TEX11: variants seen among roughly 807,000 people sequenced by gnomAD.
TEX11 encodes the protein testis expressed 11.
In TEX11, 7 loss-of-function variants were observed where a neutral mutation model predicts 84.4. That is an observed-to-expected ratio of 0.08 (90% CI 0.05 to 0.16). TEX11 has a LOEUF of 0.16. TEX11 is among the 10% of genes least tolerant of loss of function. The pLI, the probability that TEX11 is intolerant of heterozygous loss-of-function variation, is 1.00. For synonymous variants in TEX11, 264 were observed against 222.8 expected (o/e 1.18, Z -1.64); for missense variants, 551 against 660.5 (o/e 0.83, Z 1.82).
At chrX:70,537,628 A>G (rs978681337) in intron 28 of TEX11, among the ~76,000 whole-genome samples, 1 of 111,740 alleles carries the variant, frequency 8.9e-6, no homozygotes, top group Non-Finnish European at 1.9e-5. Flanking sequence ...GGACTATAAT[A>G]GAGTGGGAAA....
intron 14 of TEX11, among the ~76,000 whole-genome samples, chrX:70,682,203 ACT>A (rs368132388): frequency 3.6e-5 from 4 of 110,478 alleles, no homozygotes; most frequent in African/African-American, 1.3e-4. Context: ...AACCAGAAAA[ACT>A]CTAATCTATT....
At chrX:70,857,292 G>A (rs954464354) in intron 5 of TEX11, 7 of 126,315 alleles carry the variant, frequency 5.5e-5, no homozygotes, top group Admixed American at 1.8e-4. Flanking sequence ...TGCCTCAATC[G>A]CTCTTCTACA....
rs185248413 is a variant in TEX11 at position 70,613,535 on chromosome X, C to G, written c.1752-2992G>C. Among the ~76,000 whole-genome samples the G allele has an allele frequency of 2.7e-5, 3 of 112,084 alleles. No individual in the cohort carries two copies. In the Admixed American group the frequency reaches 2.8e-4, roughly 11 times the overall value. On this transcript the variant is annotated intron_variant, in intron 20 of 29. Transcript: ENST00000374333. ...CTGTAGCAAGTGGGGAATCTCCCAT[C>G]CCAGTCGTTGGAATCTGAATTCCAG...
intron 11 of TEX11, among the ~76,000 whole-genome samples, chrX:70,730,184 G>A (rs2090634768): frequency 1.8e-5 from 2 of 111,856 alleles, no homozygotes; most frequent in South Asian, 3.8e-4. Context: ...GGAACAACCG[G>A]TACAAGACAC....
intron 7 of TEX11, among the ~76,000 whole-genome samples, chrX:70,850,271 T>C (rs1253233571): frequency 8.9e-6 from 1 of 112,069 alleles, no homozygotes; most frequent in African/African-American, 3.2e-5. Flanking sequence ...ATATATTTTG[T>C]ACACCAACCC....
intron 17 of TEX11, among the ~76,000 whole-genome samples, chrX:70,637,364 C>T (rs997317422): frequency 1.8e-5 from 2 of 112,542 alleles, no homozygotes; most frequent in African/African-American, 3.2e-5. Context: ...GGTGATTTCT[C>T]GAAGACCTAC....
chrX:70,815,829 C>T (rs1021585616), intron 8 of TEX11, among the ~76,000 whole-genome samples: 2 of 111,979 alleles, frequency 1.8e-5, no homozygotes, highest in East Asian at 2.8e-4. Context: ...TTAGATTTGA[C>T]TTGCTTAAGA....
At chrX:70,696,179 G>A (rs912340125) in intron 13 of TEX11, among the ~76,000 whole-genome samples, 14 of 111,346 alleles carry the variant, frequency 1.3e-4, no homozygotes, top group African/African-American at 4.2e-4. Context: ...CCACTATGGA[G>A]TCCCCTAAAA....
intron 16 of TEX11, among the ~76,000 whole-genome samples, chrX:70,666,970 C>A (rs768273108): frequency 8.9e-6 from 1 of 112,276 alleles, no homozygotes; most frequent in Non-Finnish European, 1.9e-5. Context: ...TTCTCCTTAG[C>A]ACTTATCAAT....
intron 9 of TEX11, among the ~76,000 whole-genome samples, chrX:70,766,309 G>A (rs900884525): frequency 1.8e-5 from 2 of 110,257 alleles, no homozygotes. Flanking sequence ...CTACTTGGGA[G>A]GCTGTGGCAG....
rs1358669772 is a variant in TEX11 at position 70,639,839 on chromosome X, GGAA to G, written c.1484-10107_1484-10105del. Among the ~76,000 whole-genome samples the G allele has an allele frequency of 4.8e-3, 536 of 111,521 alleles. 4 individuals are homozygous for G. The highest frequency in any genetic ancestry group is 7.4e-3 in the Non-Finnish European group (392 of 53,072). On this transcript the variant is annotated intron_variant, in intron 17 of 29. Coordinates refer to ENST00000374333, the MANE Select transcript of TEX11 (RefSeq NM_031276.3). ...GGGGAAAAAACAGAACAGAAAAACT[GGAA>G]ACTCTAAAAATCAGAGCGCCTCTCC... is the stretch of plus-strand genomic sequence containing the variant.
At chrX:70,873,374 T>C (rs1234083067) in intron 3 of TEX11, 67 bp from the exon 4 acceptor site, 26 of 733,828 alleles carry the variant, frequency 3.5e-5, no homozygotes, top group Non-Finnish European at 4.9e-5. Flanking sequence ...ATTTTCATTC[T>C]TGAATGTTGT....
intron 9 of TEX11, among the ~76,000 whole-genome samples, chrX:70,754,137 G>C (rs2090850258): frequency 9.0e-6 from 1 of 111,557 alleles, no homozygotes; most frequent in African/African-American, 3.3e-5. Flanking sequence ...CACCAAGCAA[G>C]CTCTTAGGGT....
the TEX11 span, among the ~76,000 whole-genome samples, chrX:70,516,248 GT>G: frequency 8.9e-6 from 1 of 112,038 alleles, no homozygotes; most frequent in Non-Finnish European, 1.9e-5. Context: ...GGTTTTTATG[GT>G]TTTAGGTCTA....
At chrX:70,696,875 G>A (rs977887327) in intron 13 of TEX11, among the ~76,000 whole-genome samples, 2 of 112,251 alleles carry the variant, frequency 1.8e-5, no homozygotes, top group African/African-American at 6.5e-5. Context: ...GCTCACACAA[G>A]GCCAAAGGCA....
chrX:70,820,370 A>T (rs1011595829), intron 8 of TEX11, among the ~76,000 whole-genome samples: 1 of 112,445 alleles, frequency 8.9e-6, no homozygotes, highest in African/African-American at 3.2e-5. Flanking sequence ...AAATAATGAA[A>T]TTGGACCCTT....
chrX:70,750,933 A>AAAATATATATATATATATATATAT (rs1390175136), intron 9 of TEX11, among the ~76,000 whole-genome samples: 2 of 28,188 alleles, frequency 7.1e-5, no homozygotes, highest in Non-Finnish European at 1.4e-4. Flanking sequence ...AAAAAAAAAA[A>AAAATATATATATATATATATATAT]ATATATATAT....
At chrX:70,869,091 A>ATAAAGTAAAG (rs1569458379) in intron 4 of TEX11, among the ~76,000 whole-genome samples, 1 of 104,039 alleles carries the variant, frequency 9.6e-6, no homozygotes, top group African/African-American at 3.6e-5. Context: ...ATAAAATAAA[A>ATAAAGTAAAG]TAAAATAAAA....
intron 9 of TEX11, among the ~76,000 whole-genome samples, chrX:70,800,558 G>A (rs186121705): frequency 9.0e-6 from 1 of 111,023 alleles, no homozygotes; most frequent in Non-Finnish European, 1.9e-5. Flanking sequence ...ATTAACTTGG[G>A]CAATAACAAA....
Sources: allele counts gnomAD v4.1 joint callset (sites outside exome capture counted in the v4.1 genomes callset), GRCh38; gene constraint gnomAD v4.1.1; transcripts MANE v1.5; gene names NCBI Gene and HGNC (gene_info 2026-07-23, HGNC 2026-07-21).